The following ZNF765 variants were observed in gnomAD, a reference collection of about 807,000 sequenced individuals.
The protein encoded by ZNF765 is zinc finger protein 765.
ZNF765 carries 37 observed loss-of-function variants against 44.7 expected under a neutral mutation model. The observed-to-expected ratio is 0.83, with a 90% CI of 0.64 to 1.09. The LOEUF is 1.09. Ranked by LOEUF, ZNF765 falls within the 50% of genes least tolerant of loss-of-function variation. The pLI is 0.00. For synonymous variants in ZNF765, 201 were observed against 213.7 expected, an observed-to-expected ratio of 0.94 and a Z score of 0.52; for missense variants, 594 against 626.1, an observed-to-expected ratio of 0.95 and a Z score of 0.55.
chr19:53,417,413 GAA>G (rs1372899712), intron 3 of ZNF765, among the ~76,000 whole-genome samples: 1 of 152,106 alleles, frequency 6.6e-6, no homozygotes, highest in East Asian at 1.9e-4. Context: ...CTTTGCTAAG[GAA>G]AATGGCCTCC....
At position 53,408,782 on chromosome 19, in the gene ZNF765, A is replaced by T. The variant is rs377458144; in HGVS notation, c.1227A>T (p.Lys409Asn). The change falls in exon 4 of 4, where the codon AAA becomes AAT. Residue 409 changes from lysine (K) to asparagine (N), a missense_variant. Physicochemically the swap from Lys to Asn is moderately conservative, Grantham distance 94. Coordinates refer to ENST00000396408, the MANE Select transcript of ZNF765 (RefSeq NM_001040185.3). ...ATCGTAGACTTCATACTGAAGAGAAACCTTACAAGTGTAATGAGTGTGGCA... is the reference window on the plus strand; with the variant it reads ...ATCGTAGACTTCATACTGAAGAGAATCCTTACAAGTGTAATGAGTGTGGCA... Reference protein sequence around the residue: ...TYHRRLHTEEKPYKCNECGKT... With the variant: ...TYHRRLHTEENPYKCNECGKT... 1.9e-6 allele frequency: 3 copies of T among 1,614,136 alleles called. No homozygotes were observed. Among genetic ancestry groups the T allele is most frequent in the Non-Finnish European group, 2.5e-6 (3 of 1,180,016 alleles).
chr19:53,401,833 G>A, intron 2 of ZNF765: 2 of 1,084,660 alleles, frequency 1.8e-6, no homozygotes, highest in South Asian at 2.6e-5. Flanking sequence ...CAGAGACTGT[G>A]CCATTGCACT....
intron 3 of ZNF765, among the ~76,000 whole-genome samples, chr19:53,420,429 T>TA (rs1275944387): frequency 6.6e-6 from 1 of 152,250 alleles, no homozygotes; most frequent in Non-Finnish European, 1.5e-5. Context: ...TTTAATTTTT[T>TA]ATATATGTTC....
intron 2 of ZNF765, among the ~76,000 whole-genome samples, chr19:53,401,010 T>C (rs548419318): frequency 1.3e-5 from 2 of 151,342 alleles, no homozygotes; most frequent in Admixed American, 6.6e-5. Flanking sequence ...TTCGCTAATT[T>C]TTTTTTTTTT....
intron 1 of ZNF765, among the ~76,000 whole-genome samples, chr19:53,396,193 G>A (rs1162825312): frequency 1.3e-5 from 2 of 152,002 alleles, no homozygotes; most frequent in Admixed American, 6.6e-5. Context: ...GAGAACAGAG[G>A]GAGAAGCACA....
chr19:53,395,891 G>C (rs1372842728), intron 1 of ZNF765, among the ~76,000 whole-genome samples: 1 of 152,002 alleles, frequency 6.6e-6, no homozygotes, highest in Admixed American at 6.6e-5. Context: ...GGAGACAGAC[G>C]TAGAGCAGTA....
intron 3 of ZNF765, among the ~76,000 whole-genome samples, chr19:53,407,276 T>C (rs2085784306): frequency 6.6e-6 from 1 of 152,236 alleles, no homozygotes; most frequent in Non-Finnish European, 1.5e-5. Context: ...CATAATCTTG[T>C]TGTGGATTAT....
chr19:53,407,000 C>T (rs774687901), intron 3 of ZNF765, among the ~76,000 whole-genome samples: 2 of 151,958 alleles, frequency 1.3e-5, no homozygotes, highest in Non-Finnish European at 2.9e-5. Flanking sequence ...GACAGTTATT[C>T]AGAAAAACAT....
At chr19:53,396,481 A>G (rs184871522) in intron 1 of ZNF765, among the ~76,000 whole-genome samples, 4 of 152,384 alleles carry the variant, frequency 2.6e-5, no homozygotes, top group Admixed American at 2.0e-4. Flanking sequence ...TTAATCATGT[A>G]ATGATTGGTC....
chr19:53,415,017 A>G (rs2085866528), downstream of ZNF765, among the ~76,000 whole-genome samples: 1 of 152,216 alleles, frequency 6.6e-6, no homozygotes, highest in South Asian at 2.1e-4. Context: ...TACACCTGTA[A>G]TCCCAGCACT....
At chr19:53,402,583 A>G (rs551870548) in intron 3 of ZNF765, among the ~76,000 whole-genome samples, 2 of 152,132 alleles carry the variant, frequency 1.3e-5, no homozygotes, top group Admixed American at 6.5e-5. Context: ...GTTTTTAGAT[A>G]AAGTGTCTCT....
chr19:53,400,763 C>CATACATATATATATATATATATATAT (rs374774697), intron 2 of ZNF765, among the ~76,000 whole-genome samples: 1 of 116,764 alleles, frequency 8.6e-6, no homozygotes, highest in African/African-American at 3.3e-5. Context: ...TATTTGTTGA[C>CATACATATATATATATATATATATAT]ATATATATAT....
downstream of ZNF765, among the ~76,000 whole-genome samples, chr19:53,416,329 G>A (rs993924725): frequency 7.9e-5 from 12 of 152,060 alleles, no homozygotes; most frequent in African/African-American, 2.9e-4. Flanking sequence ...TCGCTTGAAC[G>A]CAAGAGGCAG....
Position 53,408,505 on chromosome 19 carries a change from A to G in ZNF765, c.950A>G (p.His317Arg), listed in dbSNP as rs1439009993. Residue 317 changes from histidine to arginine, a missense_variant, in exon 4 of 4, where the codon CAT becomes CGT. By Grantham distance (29) the His-to-Arg change is conservative. Coordinates refer to ENST00000396408, the MANE Select transcript of ZNF765 (RefSeq NM_001040185.3). ...AFHFKSKLQIHRRIHTGEKPY... is the reference protein window; with the variant it reads ...AFHFKSKLQIRRRIHTGEKPY... ...CATTTCAAATCAAAGCTTCAAATAC[A>G]TAGGAGAATTCATACTGGAGAGAAA... is the stretch of plus-strand genomic sequence containing the variant. The G allele has an allele frequency of 2.7e-5, 43 of 1,612,248 alleles. No individual in the cohort carries two copies. The highest frequency in any genetic ancestry group is 3.6e-5 in the Non-Finnish European group (42 of 1,179,112).
At chr19:53,396,651 A>G (rs2085673676) in intron 1 of ZNF765, among the ~76,000 whole-genome samples, 1 of 152,150 alleles carries the variant, frequency 6.6e-6, no homozygotes, top group Non-Finnish European at 1.5e-5. Context: ...CTTCAGCTGC[A>G]CAAAAAGCGT....
chr19:53,396,458 A>G (rs148922983), intron 1 of ZNF765, among the ~76,000 whole-genome samples: 7,848 of 152,222 alleles, frequency 0.052, 177 homozygotes, highest in Admixed American at 0.12. Context: ...TTACAGAAGC[A>G]AAATAAAAGC....
intron 1 of ZNF765, among the ~76,000 whole-genome samples, chr19:53,395,451 CT>C (rs1298364984): frequency 1.3e-5 from 2 of 152,234 alleles, no homozygotes; most frequent in African/African-American, 4.8e-5. Context: ...TGCTCTGAAA[CT>C]TTTTCTGACT....
downstream of ZNF765, among the ~76,000 whole-genome samples, chr19:53,412,990 A>T (rs2085844844): frequency 1.3e-5 from 2 of 152,280 alleles, no homozygotes; most frequent in African/African-American, 4.8e-5. Flanking sequence ...GATGCCAGTA[A>T]TCCCAGTTAC....
At chr19:53,396,511 A>G (rs535815146) in intron 1 of ZNF765, among the ~76,000 whole-genome samples, 18 of 152,370 alleles carry the variant, frequency 1.2e-4, no homozygotes, top group South Asian at 8.3e-4. Flanking sequence ...ATAGCATAGC[A>G]TAACTTGTGG....
Sources: gnomAD v4.1 joint callset for allele counts (sites outside exome capture counted in the v4.1 genomes callset) on GRCh38, gnomAD v4.1.1 for gene constraint, MANE v1.5 for transcripts, NCBI Gene and HGNC (gene_info 2026-07-23, HGNC 2026-07-21) for gene names.